Variants in ABCA13 observed in about 807,000 individuals in gnomAD.
ABCA13 encodes the protein ATP-binding cassette sub-family A member 13.
In ABCA13, 476 loss-of-function variants were observed where a neutral mutation model predicts 478.7. That is an observed-to-expected ratio of 0.99 (90% CI 0.92 to 1.07). ABCA13 has a LOEUF of 1.07. Among genes scored for constraint, ABCA13 ranks in the 50% least tolerant of loss-of-function variants. The probability of loss-of-function intolerance (pLI) is 0.00; values close to 1 mark genes in which losing one functional copy is unlikely to be tolerated. For synonymous variants in ABCA13, 2,252 were observed against 2,158.9 expected, an observed-to-expected ratio of 1.04 and a Z score of -1.20; for missense variants, 6,060 against 5,910.6, an observed-to-expected ratio of 1.03 and a Z score of -0.83.
At chr7:48,270,510 G>T (rs1352742827) in intron 16 of ABCA13, among the ~76,000 whole-genome samples, 4 of 152,126 alleles carry the variant, frequency 2.6e-5, no homozygotes, top group Non-Finnish European at 1.5e-5. Context: ...TGACTTGGAT[G>T]GTAGTTAGGC....
chr7:48,271,538 G>C (rs904155288), intron 16 of ABCA13, among the ~76,000 whole-genome samples: 30 of 152,030 alleles, frequency 2.0e-4, no homozygotes, highest in Non-Finnish European at 3.8e-4. Context: ...AAATATGCCA[G>C]GGGAAAATAA....
rs369592259 is a variant in ABCA13, at chr7:48,271,570, T to C, written c.2121-217T>C. On this transcript the variant is annotated intron_variant, in intron 16 of 61. Coordinates refer to ENST00000435803, the MANE Select transcript of ABCA13 (RefSeq NM_152701.5). The stretch of plus-strand genomic sequence containing the variant: ...ATAATTGAGAATGCTTTCTTTTTGG[T>C]GGTAGGAAACATTTTAAGCTAAATA... Among the ~76,000 whole-genome samples, 172 of 152,250 alleles carry C rather than the reference T, an allele frequency of 1.1e-3. 1 individual carries two copies. Among genetic ancestry groups the C allele is most frequent in the African/African-American group, 3.9e-3 (162 of 41,534 alleles).
chr7:48,316,552 G>GA (rs547802323), intron 26 of ABCA13, among the ~76,000 whole-genome samples: 1 of 151,876 alleles, frequency 6.6e-6, no homozygotes. Flanking sequence ...CTATAACAGG[G>GA]AAAAAAAATC....
chr7:48,442,664 G>A (rs1248381641), intron 42 of ABCA13, among the ~76,000 whole-genome samples: 1 of 152,146 alleles, frequency 6.6e-6, no homozygotes, highest in Admixed American at 6.5e-5. Context: ...ACTGAATGAT[G>A]ACCTGGAGAG....
At chr7:48,466,361 A>G (rs943985624) in intron 43 of ABCA13, among the ~76,000 whole-genome samples, 1 of 152,174 alleles carries the variant, frequency 6.6e-6, no homozygotes, top group Admixed American at 6.6e-5. Context: ...TTGAACTACA[A>G]ATAGACTTCT....
chr7:48,629,667 A>G (rs1051679724), intron 59 of ABCA13, among the ~76,000 whole-genome samples: 4 of 148,206 alleles, frequency 2.7e-5, no homozygotes, highest in Admixed American at 6.7e-5. Context: ...GGTTTTATGG[A>G]GATGGGCTGG....
chr7:48,265,718 G>A (rs1794783847), intron 15 of ABCA13, among the ~76,000 whole-genome samples: 1 of 151,636 alleles, frequency 6.6e-6, no homozygotes, highest in Admixed American at 6.6e-5. Flanking sequence ...TGTGAATAAA[G>A]ATGGTTTAAT....
intron 24 of ABCA13, among the ~76,000 whole-genome samples, chr7:48,312,471 A>T (rs1312326996): frequency 2.6e-5 from 4 of 152,218 alleles, no homozygotes; most frequent in African/African-American, 9.6e-5. Context: ...TGTAAAATAC[A>T]GAGCATTTCA....
At chr7:48,442,376 C>A (rs1015897464) in intron 42 of ABCA13, among the ~76,000 whole-genome samples, 1 of 152,152 alleles carries the variant, frequency 6.6e-6, no homozygotes, top group Non-Finnish European at 1.5e-5. Context: ...TTTGCCCAAA[C>A]CCTCACGAGG....
At chr7:48,613,362 G>A (rs960929212) in intron 58 of ABCA13, among the ~76,000 whole-genome samples, 1 of 151,848 alleles carries the variant, frequency 6.6e-6, no homozygotes, top group African/African-American at 2.4e-5. Context: ...CTAAATTTTT[G>A]TACTTTTAGA....
chr7:48,205,198 G>T (rs1213416412), intron 3 of ABCA13, among the ~76,000 whole-genome samples: 3 of 152,050 alleles, frequency 2.0e-5, no homozygotes, highest in Non-Finnish European at 4.4e-5. Context: ...TCCTACTTCA[G>T]GTTATAAAGA....
In ABCA13 at chr7:48,616,869, T is replaced by C. The variant is rs115824550; in HGVS notation, c.14837+1492T>C. On this transcript the variant is annotated intron_variant, in intron 59 of 61. Transcript: ENST00000435803. ...GACCTCATTCCTACAAAACATTTTT[T>C]AAAAATTAATTTTAAAAAATTATAT... Among the ~76,000 whole-genome samples, 1,074 of 152,114 alleles carry C rather than the reference T, an allele frequency of 7.1e-3. 12 individuals are homozygous for C. Among genetic ancestry groups the C allele is most frequent in the African/African-American group, 0.024 (993 of 41,478 alleles).
chr7:48,281,963 C>A (rs1241255892), intron 19 of ABCA13, among the ~76,000 whole-genome samples: 1 of 152,156 alleles, frequency 6.6e-6, no homozygotes, highest in Non-Finnish European at 1.5e-5. Flanking sequence ...CCTGCAGTAA[C>A]CTGAATTCCC....
At chr7:48,510,192 G>A (rs562870328) in intron 50 of ABCA13, among the ~76,000 whole-genome samples, 1 of 152,098 alleles carries the variant, frequency 6.6e-6, no homozygotes, top group South Asian at 2.1e-4. Context: ...GGCCATGACT[G>A]GGTCTGTTGA....
intron 58 of ABCA13, 148 bp from the exon 59 acceptor site, chr7:48,615,137 T>G (rs1317083344): frequency 5.1e-6 from 2 of 391,130 alleles, no homozygotes; most frequent in Non-Finnish European, 4.5e-6. Flanking sequence ...TTCAAAAGCT[T>G]TTGATTTGGT....
At chr7:48,193,693 A>G (rs1382243165) in intron 2 of ABCA13, among the ~76,000 whole-genome samples, 1 of 145,246 alleles carries the variant, frequency 6.9e-6, no homozygotes, top group African/African-American at 2.6e-5. Context: ...GATAGTGATG[A>G]TGGTGATAAT....
In ABCA13 at chr7:48,278,960, ATTTG is replaced by A; in HGVS notation, c.7769_7772del (p.Leu2590TrpfsTer11). 1 of 1,613,462 alleles carries A rather than the reference ATTTG, an allele frequency of 6.2e-7. No homozygotes were observed. Among genetic ancestry groups the A allele is most frequent in the Non-Finnish European group, 8.5e-7 (1 of 1,179,830 alleles). ...CATTTCACATTTGAAAAGATAAATGATTTGTTGGTGCCATTTCTTGACTTGGCCT... is the reference window on the plus strand; with the variant it reads ...CATTTCACATTTGAAAAGATAAATGATTGGTGCCATTTCTTGACTTGGCCT... On this transcript the variant is annotated frameshift_variant, in exon 18 of 62. Coordinates refer to ENST00000435803, the MANE Select transcript of ABCA13 (RefSeq NM_152701.5). LOFTEE classifies it high-confidence loss of function.
chr7:48,289,359 ATT>A (rs767935565), intron 20 of ABCA13, among the ~76,000 whole-genome samples: 18 of 139,624 alleles, frequency 1.3e-4, no homozygotes, highest in Middle Eastern at 3.8e-3. Context: ...CCCACAGACA[ATT>A]TTTTTTTTTT....
chr7:48,455,369 C>A lies in ABCA13; in HGVS notation c.12815+83C>A, dbSNP rs115298907. 8.4e-4 allele frequency: 1,223 copies of A among 1,451,666 alleles called. 6 individuals are homozygous for A. In the African/African-American group the frequency reaches 0.016, roughly 19 times the overall value. 89.9% of individuals were successfully genotyped at this position (1,451,666 alleles called of 1,614,324 possible). ...AATAGCTTCGATACTTTTGAGAATT[C>A]TAGATAAAAACTGGAAATATAAATG... On this transcript the variant is annotated intron_variant, in intron 43 of 61. Coordinates refer to ENST00000435803, the MANE Select transcript of ABCA13 (RefSeq NM_152701.5).
Sources: gnomAD v4.1 joint callset for allele counts (sites outside exome capture counted in the v4.1 genomes callset) on GRCh38, gnomAD v4.1.1 for gene constraint, MANE v1.5 for transcripts, NCBI Gene and HGNC (gene_info 2026-07-23, HGNC 2026-07-21) for gene names.